TENM3: variants seen among roughly 807,000 people sequenced by gnomAD.
The protein encoded by TENM3 is teneurin transmembrane protein 3, also known as teneurin-3.
In TENM3, 63 loss-of-function variants were observed where a neutral mutation model predicts 255.1. The observed-to-expected ratio is 0.25, with a 90% CI of 0.20 to 0.30. The LOEUF (loss-of-function observed/expected upper bound fraction) is 0.30. Among genes scored for constraint, TENM3 ranks in the 10% least tolerant of loss-of-function variants. The probability of loss-of-function intolerance (pLI) is 1.00; values close to 1 mark genes in which losing one functional copy is unlikely to be tolerated. For missense variants in TENM3, 2,929 were observed against 3,461.1 expected (o/e 0.85, Z 3.86); for synonymous variants, 1,306 against 1,322.3 (o/e 0.99, Z 0.27).
intron 1 of TENM3, among the ~76,000 whole-genome samples, chr4:182,264,067 A>G (rs1285392220): frequency 2.0e-5 from 3 of 152,238 alleles, no homozygotes; most frequent in African/African-American, 7.2e-5. Flanking sequence ...ATTCTTTACC[A>G]GTCAGATTTC....
At chr4:181,557,961 A>G in the TENM3 span, among the ~76,000 whole-genome samples, 43,875 of 152,146 alleles carry the variant, frequency 0.29, 6,781 homozygotes, top group African/African-American at 0.4. Flanking sequence ...CTAAAGTGTT[A>G]CATGTTCCTA....
chr4:182,063,547 T>C, the TENM3 span, among the ~76,000 whole-genome samples: 1 of 152,212 alleles, frequency 6.6e-6, no homozygotes, highest in East Asian at 1.9e-4. Context: ...CATCGAAGTA[T>C]TACATTTAGA....
intron 3 of TENM3, among the ~76,000 whole-genome samples, chr4:182,520,568 G>T (rs1738468275): frequency 6.6e-6 from 1 of 152,138 alleles, no homozygotes; most frequent in Non-Finnish European, 1.5e-5. Flanking sequence ...AGATACAAAA[G>T]AGTTTTGCAT....
At chr4:182,508,139 G>C (rs975211494) in intron 3 of TENM3, among the ~76,000 whole-genome samples, 1 of 152,160 alleles carries the variant, frequency 6.6e-6, no homozygotes, top group Admixed American at 6.5e-5. Context: ...TTGTTGAGCT[G>C]TTATAAGGAT....
At chr4:182,592,238 A>T (rs1746734990) in intron 3 of TENM3, among the ~76,000 whole-genome samples, 1 of 151,598 alleles carries the variant, frequency 6.6e-6, no homozygotes, top group South Asian at 2.1e-4. Context: ...AAGTGTTGTT[A>T]CCTGAAGTTA....
rs531007723 is a variant in TENM3, at chr4:182,213,964, G to A, written c.-76+69210G>A. Among the ~76,000 whole-genome samples, 303 of 152,106 alleles carry A rather than the reference G, an allele frequency of 2.0e-3. 2 individuals carry two copies. The highest frequency in any genetic ancestry group is 8.3e-3 in the South Asian group (40 of 4,814). On this transcript the variant is annotated intron_variant, in intron 1 of 2. Transcript: ENST00000512480. The stretch of plus-strand genomic sequence containing the variant: ...CTACAGGCGCCCGCCACCACGCCTG[G>A]CTAATTTTTTTGTGTTTTAGTAGAG...
At chr4:181,533,467 T>C in the TENM3 span, among the ~76,000 whole-genome samples, 19 of 152,236 alleles carry the variant, frequency 1.2e-4, no homozygotes, top group African/African-American at 4.6e-4. Flanking sequence ...CAACAACATG[T>C]GTTTCCATAC....
At chr4:182,234,680 C>T (rs747723980) in intron 1 of TENM3, among the ~76,000 whole-genome samples, 5 of 151,718 alleles carry the variant, frequency 3.3e-5, no homozygotes, top group Admixed American at 2.6e-4. Flanking sequence ...TGCAGTGAGC[C>T]GAGATTGCAC....
At chr4:181,535,025 A>G in the TENM3 span, among the ~76,000 whole-genome samples, 1 of 152,046 alleles carries the variant, frequency 6.6e-6, no homozygotes, top group East Asian at 1.9e-4. Flanking sequence ...GGCTAACCCT[A>G]TGCAGCGGTT....
intron 3 of TENM3, among the ~76,000 whole-genome samples, chr4:182,364,632 G>A (rs887371114): frequency 2.0e-5 from 3 of 152,118 alleles, no homozygotes; most frequent in Non-Finnish European, 2.9e-5. Context: ...TGTCAGCCAG[G>A]ATGGTCTCAA....
the TENM3 span, among the ~76,000 whole-genome samples, chr4:181,661,452 C>G: frequency 1.3e-5 from 2 of 152,112 alleles, no homozygotes; most frequent in South Asian, 2.1e-4. Flanking sequence ...GCACAAAACA[C>G]CCTGTTTCCC....
the TENM3 span, among the ~76,000 whole-genome samples, chr4:181,973,143 G>C: frequency 6.6e-6 from 1 of 152,158 alleles, no homozygotes; most frequent in African/African-American, 2.4e-5. Context: ...ATCATTGAAA[G>C]AATAATAATT....
chr4:181,705,446 A>G, the TENM3 span, among the ~76,000 whole-genome samples: 138,018 of 152,286 alleles, frequency 0.91, 62,677 homozygotes, highest in East Asian at 0.94. Context: ...ACAAAGTATA[A>G]CTAACTTCCA....
intron 26 of TENM3, 86 bp from the exon 27 acceptor site, chr4:182,796,551 G>T (rs565954358): frequency 1.7e-4 from 211 of 1,248,100 alleles, no homozygotes; most frequent in Non-Finnish European, 6.5e-6. Context: ...TTGTGAAATT[G>T]GATTTTCTTT....
chr4:182,436,478 T>G (rs1466358071), intron 3 of TENM3, among the ~76,000 whole-genome samples: 1 of 152,178 alleles, frequency 6.6e-6, no homozygotes, highest in Non-Finnish European at 1.5e-5. Flanking sequence ...AAACTGGTGA[T>G]GCGCTCTAAC....
intron 13 of TENM3, among the ~76,000 whole-genome samples, chr4:182,718,125 G>A (rs1039885038): frequency 7.0e-4 from 106 of 151,976 alleles, no homozygotes; most frequent in Middle Eastern, 3.4e-3. Flanking sequence ...TTCTGACCAG[G>A]AAAGACCCTG....
chr4:181,753,945 A>T, the TENM3 span, among the ~76,000 whole-genome samples: 3 of 152,126 alleles, frequency 2.0e-5, no homozygotes, highest in African/African-American at 7.2e-5. Flanking sequence ...AGTTAATAGA[A>T]TTTGGGAGCT....
chr4:181,675,635 C>T, the TENM3 span, among the ~76,000 whole-genome samples: 2 of 152,022 alleles, frequency 1.3e-5, no homozygotes, highest in Admixed American at 6.6e-5. Flanking sequence ...TCTAGGTCCT[C>T]GAAAGGTCAT....
chr4:182,496,788 A>T (rs1206631862), intron 3 of TENM3, among the ~76,000 whole-genome samples: 1 of 152,120 alleles, frequency 6.6e-6, no homozygotes, highest in African/African-American at 2.4e-5. Context: ...TTGAGGCTGG[A>T]TGTGCTAGGA....
Sources: allele counts gnomAD v4.1 joint callset (sites outside exome capture counted in the v4.1 genomes callset), GRCh38; gene constraint gnomAD v4.1.1; transcripts MANE v1.5; gene names NCBI Gene and HGNC (gene_info 2026-07-23, HGNC 2026-07-21).